Variants in RAB38 observed in about 807,000 individuals in gnomAD.
RAB38 encodes the protein ras-related protein Rab-38.
Under a neutral mutation model 18.4 loss-of-function variants are expected in RAB38, and 15 were observed. The ratio of observed to expected loss-of-function variants is 0.82; its 90% CI spans 0.55 to 1.26. RAB38 has a LOEUF of 1.26. Among genes scored for constraint, RAB38 ranks in the 50% most tolerant of loss-of-function variants. The probability of loss-of-function intolerance (pLI) is 0.00; values close to 1 mark genes in which losing one functional copy is unlikely to be tolerated. For synonymous variants in RAB38, 101 were observed against 104.4 expected, an observed-to-expected ratio of 0.97 and a Z score of 0.20; for missense variants, 294 against 267.4, an observed-to-expected ratio of 1.10 and a Z score of -0.69.
chr11:87,820,422 T>C, the RAB38 span, among the ~76,000 whole-genome samples: 1 of 152,132 alleles, frequency 6.6e-6, no homozygotes, highest in Non-Finnish European at 1.5e-5. Flanking sequence ...AAATGAAAAA[T>C]GACAGTGTGA....
chr11:87,834,858 C>T, the RAB38 span, among the ~76,000 whole-genome samples: 4 of 152,104 alleles, frequency 2.6e-5, no homozygotes, highest in Non-Finnish European at 4.4e-5. Context: ...AGAGCAGTGC[C>T]TGGAATTTGA....
the RAB38 span, among the ~76,000 whole-genome samples, chr11:87,951,746 G>GAGACAAAAC: frequency 1.3e-5 from 2 of 152,136 alleles, no homozygotes; most frequent in African/African-American, 4.8e-5. Flanking sequence ...CTCCCTGATT[G>GAGACAAAAC]TTCCTCTGGA....
chr11:87,957,656 T>A, the RAB38 span, among the ~76,000 whole-genome samples: 1 of 152,146 alleles, frequency 6.6e-6, no homozygotes, highest in African/African-American at 2.4e-5. Context: ...AAGACCCTCA[T>A]GACCTGCTTT....
the RAB38 span, among the ~76,000 whole-genome samples, chr11:87,968,283 G>A: frequency 1.3e-5 from 2 of 152,076 alleles, no homozygotes; most frequent in Non-Finnish European, 2.9e-5. Flanking sequence ...TGTCTCAGAG[G>A]CCGTTAATTG....
the RAB38 span, among the ~76,000 whole-genome samples, chr11:87,963,804 G>A: frequency 1.4e-4 from 21 of 151,882 alleles, no homozygotes; most frequent in Non-Finnish European, 2.9e-4. Context: ...CTGTCACCAC[G>A]CCTGGCTAAT....
chr11:87,937,352 C>CATATATATATATATA, the RAB38 span, among the ~76,000 whole-genome samples: 2 of 75,386 alleles, frequency 2.7e-5, no homozygotes, highest in South Asian at 8.0e-4. Flanking sequence ...ATATATATAT[C>CATATATATATATATA]ATAATTCTAT....
the RAB38 span, among the ~76,000 whole-genome samples, chr11:88,106,695 G>A: frequency 1.3e-5 from 2 of 152,240 alleles, no homozygotes; most frequent in South Asian, 4.1e-4. Context: ...TCAATGCAGT[G>A]AACAGTTTTG....
intron 2 of RAB38, among the ~76,000 whole-genome samples, chr11:88,126,335 T>C (rs961017066): frequency 2.0e-5 from 3 of 152,082 alleles, no homozygotes; most frequent in Admixed American, 1.3e-4. Context: ...ATTAAGAAAA[T>C]GTGGCACATA....
At chr11:87,895,830 A>G in the RAB38 span, among the ~76,000 whole-genome samples, 1 of 151,772 alleles carries the variant, frequency 6.6e-6, no homozygotes, top group South Asian at 2.1e-4. Context: ...GAAGATAGAC[A>G]TATTATTCTA....
chr11:88,039,081 A>C, the RAB38 span, among the ~76,000 whole-genome samples: 1 of 152,180 alleles, frequency 6.6e-6, no homozygotes, highest in Non-Finnish European at 1.5e-5. Flanking sequence ...GGCAGTGAAT[A>C]CTTGAGCTGA....
chr11:88,134,251 A>T (rs943371513), intron 2 of RAB38, among the ~76,000 whole-genome samples: 1 of 151,860 alleles, frequency 6.6e-6, no homozygotes, highest in Non-Finnish European at 1.5e-5. Context: ...ATTTTATTTT[A>T]TTTTTTTGAG....
At chr11:87,861,910 A>G in the RAB38 span, among the ~76,000 whole-genome samples, 38 of 152,052 alleles carry the variant, frequency 2.5e-4, no homozygotes, top group African/African-American at 8.9e-4. Flanking sequence ...TCATATGAAA[A>G]CAAGCTCAAC....
chr11:88,042,770 A>T, the RAB38 span, among the ~76,000 whole-genome samples: 31 of 152,222 alleles, frequency 2.0e-4, no homozygotes, highest in Non-Finnish European at 1.6e-4. Flanking sequence ...CCAAGGGTTC[A>T]TAAAATAGGC....
At chr11:87,918,775 T>C in the RAB38 span, among the ~76,000 whole-genome samples, 3 of 152,112 alleles carry the variant, frequency 2.0e-5, no homozygotes, top group Non-Finnish European at 2.9e-5. Context: ...TATTAAGTCT[T>C]TATCAGATGT....
At chr11:88,107,273 C>T in the RAB38 span, among the ~76,000 whole-genome samples, 1 of 152,198 alleles carries the variant, frequency 6.6e-6, no homozygotes, top group Admixed American at 6.5e-5. Context: ...TAGGCTTTAT[C>T]TGTCATCCAT....
the RAB38 span, among the ~76,000 whole-genome samples, chr11:87,884,551 T>C: frequency 1.3e-5 from 2 of 152,032 alleles, no homozygotes; most frequent in East Asian, 2.0e-4. Flanking sequence ...GGTACATTAC[T>C]TCCTTAGTAA....
intron 1 of RAB38, among the ~76,000 whole-genome samples, chr11:88,164,442 T>C (rs1943224689): frequency 6.6e-6 from 1 of 151,974 alleles, no homozygotes; most frequent in Admixed American, 6.6e-5. Context: ...GGTTTGGAAG[T>C]TTCTGTGATG....
intron 2 of RAB38, among the ~76,000 whole-genome samples, chr11:88,138,186 GA>G (rs1591164611): frequency 1.3e-5 from 2 of 152,268 alleles, no homozygotes; most frequent in East Asian, 3.9e-4. Context: ...ATAAGGAAAG[GA>G]GAGGATTCTG....
chr11:88,015,004 A>AT, the RAB38 span, among the ~76,000 whole-genome samples: 2 of 152,134 alleles, frequency 1.3e-5, no homozygotes, highest in African/African-American at 4.8e-5. Flanking sequence ...AGTAACCAAT[A>AT]ATAGATCGAC....
Sources: allele counts gnomAD v4.1 joint callset (sites outside exome capture counted in the v4.1 genomes callset), GRCh38; gene constraint gnomAD v4.1.1; transcripts MANE v1.5; gene names NCBI Gene and HGNC (gene_info 2026-07-23, HGNC 2026-07-21).